CCNY: variants seen among roughly 807,000 people sequenced by gnomAD.
CCNY encodes the protein cyclin-Y.
Under a neutral mutation model 42.8 loss-of-function variants are expected in CCNY, and 19 were observed. That is an observed-to-expected ratio of 0.44 (90% confidence interval 0.31 to 0.65). The LOEUF is 0.65. Among genes scored for constraint, CCNY ranks in the 30% least tolerant of loss-of-function variants. CCNY has a pLI of 0.07. For missense variants in CCNY, 370 were observed against 437.3 expected (o/e 0.85, Z 1.37); for synonymous variants, 165 against 162.7 (o/e 1.01, Z -0.11).
chr10:35,275,626 G>T (rs902092839), intron 3 of CCNY, among the ~76,000 whole-genome samples: 1 of 152,058 alleles, frequency 6.6e-6, no homozygotes, highest in Non-Finnish European at 1.5e-5. Flanking sequence ...AGCTGGGCAT[G>T]GTGGTGGGCA....
intron 1 of CCNY, among the ~76,000 whole-genome samples, chr10:35,453,420 C>G (rs1482895514): frequency 6.6e-6 from 1 of 152,068 alleles, no homozygotes; most frequent in African/African-American, 2.4e-5. Context: ...TTGTTGTTTT[C>G]TTTTTCCTTT....
intron 1 of CCNY, among the ~76,000 whole-genome samples, chr10:35,399,584 G>C (rs1484593578): frequency 1.3e-5 from 2 of 152,206 alleles, no homozygotes; most frequent in Non-Finnish European, 2.9e-5. Flanking sequence ...GTTTCACGCT[G>C]TTAATCCCAA....
intron 2 of CCNY, among the ~76,000 whole-genome samples, chr10:35,486,360 C>T (rs1047389505): frequency 1.3e-5 from 2 of 152,224 alleles, no homozygotes; most frequent in African/African-American, 4.8e-5. Flanking sequence ...TAAACATTTA[C>T]TAGTACACCA....
intron 3 of CCNY, among the ~76,000 whole-genome samples, chr10:35,279,905 CA>C (rs1336350521): frequency 2.6e-5 from 4 of 152,224 alleles, no homozygotes; most frequent in Non-Finnish European, 5.9e-5. Context: ...CTCCATCCCC[CA>C]GCTGCTTTTG....
intron 1 of CCNY, chr10:35,394,956 A>T (rs1209116585): frequency 1.9e-6 from 1 of 518,740 alleles, no homozygotes; most frequent in East Asian, 1.5e-4. Flanking sequence ...CTTCACATCC[A>T]TTCGCCACAT....
chr10:35,295,176 G>T (rs1015310715), intron 3 of CCNY, among the ~76,000 whole-genome samples: 6 of 151,514 alleles, frequency 4.0e-5, no homozygotes, highest in African/African-American at 1.5e-4. Flanking sequence ...ATAAATAAAA[G>T]TTATCTAATT....
At chr10:35,555,666 GT>G (rs1329955785) in intron 8 of CCNY, among the ~76,000 whole-genome samples, 1 of 152,182 alleles carries the variant, frequency 6.6e-6, no homozygotes, top group Non-Finnish European at 1.5e-5. Flanking sequence ...CACAATCTAT[GT>G]TTCTTCTAAG....
chr10:35,402,172 A>G (rs1227616834), intron 1 of CCNY, among the ~76,000 whole-genome samples: 2 of 152,020 alleles, frequency 1.3e-5, no homozygotes, highest in South Asian at 2.1e-4. Flanking sequence ...AGAGTGGGAG[A>G]GATTAAACTG....
intron 1 of CCNY, among the ~76,000 whole-genome samples, chr10:35,346,630 T>C (rs1836309532): frequency 1.3e-5 from 2 of 152,196 alleles, no homozygotes; most frequent in Admixed American, 6.5e-5. Context: ...ATTCTATACA[T>C]TAGGTTTTAC....
chr10:35,268,870 G>A (rs930644257), intron 3 of CCNY, among the ~76,000 whole-genome samples: 15 of 152,288 alleles, frequency 9.8e-5, no homozygotes, highest in African/African-American at 2.9e-4. Context: ...CAAGCCCAGC[G>A]GTCTCAAGGG....
At chr10:35,265,923 C>G (rs1460526839) in intron 3 of CCNY, among the ~76,000 whole-genome samples, 1 of 152,150 alleles carries the variant, frequency 6.6e-6, no homozygotes, top group African/African-American at 2.4e-5. Flanking sequence ...GTGGGTCACA[C>G]AGCAGAAGCC....
intron 1 of CCNY, among the ~76,000 whole-genome samples, chr10:35,350,643 T>G (rs745678329): frequency 6.6e-6 from 1 of 152,220 alleles, no homozygotes. Flanking sequence ...TTCAAGGGCA[T>G]CCTTAGTGGA....
intron 3 of CCNY, among the ~76,000 whole-genome samples, chr10:35,253,881 T>G (rs556840832): frequency 8.6e-5 from 13 of 150,572 alleles, no homozygotes; most frequent in Admixed American, 5.9e-4. Context: ...ACTGTTTTTT[T>G]TTTTTTTTTT....
At chr10:35,450,319 G>A (rs181183622) in intron 1 of CCNY, among the ~76,000 whole-genome samples, 149 of 152,142 alleles carry the variant, frequency 9.8e-4, no homozygotes, top group Admixed American at 3.7e-3. Flanking sequence ...AGAGGGTGGA[G>A]GTTAAGATTA....
At chr10:35,427,011 A>G (rs1838287312) in intron 1 of CCNY, among the ~76,000 whole-genome samples, 1 of 152,248 alleles carries the variant, frequency 6.6e-6, no homozygotes, top group Admixed American at 6.5e-5. Context: ...TTTCTAAGAC[A>G]CATTAGTACA....
chr10:35,562,318 T>C, intron 8 of CCNY, among the ~76,000 whole-genome samples: 1 of 152,232 alleles, frequency 6.6e-6, no homozygotes, highest in Non-Finnish European at 1.5e-5. Context: ...AAAATGTATG[T>C]AGCATGAAAT....
chr10:35,521,295 C>T (rs1840540595), intron 4 of CCNY, among the ~76,000 whole-genome samples: 1 of 152,224 alleles, frequency 6.6e-6, no homozygotes, highest in South Asian at 2.1e-4. Flanking sequence ...GCAGAGCTGA[C>T]CAAGCCTCTG....
At chr10:35,296,779 C>T (rs189418943) in intron 3 of CCNY, among the ~76,000 whole-genome samples, 1 of 152,222 alleles carries the variant, frequency 6.6e-6, no homozygotes, top group Admixed American at 6.5e-5. Flanking sequence ...CCTGAACAGA[C>T]TAATAATGAG....
chr10:35,516,742 G>T, intron 4 of CCNY, 119 bp downstream of exon 4: 1 of 634,496 alleles, frequency 1.6e-6, no homozygotes, highest in East Asian at 2.9e-5. Flanking sequence ...CTGGTTGGTT[G>T]TGGGGTCTGG....
Sources: gnomAD v4.1 joint callset for allele counts (sites outside exome capture counted in the v4.1 genomes callset) on GRCh38, gnomAD v4.1.1 for gene constraint, MANE v1.5 for transcripts, NCBI Gene and HGNC (gene_info 2026-07-23, HGNC 2026-07-21) for gene names.